PLCD1: variants seen among roughly 807,000 people sequenced by gnomAD.
PLCD1 encodes the protein phospholipase C delta 1.
A neutral mutation model predicts 87.4 loss-of-function variants in PLCD1; 71 were observed. That is an observed-to-expected ratio of 0.81 (90% CI 0.67 to 0.99). PLCD1 has a LOEUF of 0.99. PLCD1 is among the 50% of genes least tolerant of loss of function. The pLI, the probability that PLCD1 is intolerant of heterozygous loss-of-function variation, is 0.00. For synonymous variants in PLCD1, 348 were observed against 399.2 expected, an observed-to-expected ratio of 0.87 and a Z score of 1.53; for missense variants, 867 against 1,001.5, an observed-to-expected ratio of 0.87 and a Z score of 1.81.
rs1209703334 is a variant in PLCD1, at chr3:38,025,688, C to T, written c.34+3818G>A. 6.6e-6 allele frequency among the ~76,000 whole-genome samples: 1 copy of T among 152,212 alleles called. No homozygotes were observed. Among genetic ancestry groups the T allele is most frequent in the Non-Finnish European group, 1.5e-5 (1 of 68,040 alleles). ...ATACATGAGAACGACTGTAACTTTG[C>T]ACAAAACTTTGCTGCCAATATGCTC... On this transcript the variant is annotated intron_variant, in intron 1 of 14. Coordinates refer to ENST00000334661, the MANE Select transcript of PLCD1 (RefSeq NM_006225.4). This position sits in a 1 kb window ranked among gnomAD's most constrained non-coding sequence, Gnocchi z 4.0.
chr3:38,015,627 G>A (rs1221846940), intron 3 of PLCD1, among the ~76,000 whole-genome samples: 1 of 152,242 alleles, frequency 6.6e-6, no homozygotes, highest in Admixed American at 6.5e-5. Context: ...AAAAAATGGA[G>A]AGAGCTGGCT....
At chr3:38,019,822 C>G (rs1177315689) in intron 2 of PLCD1, among the ~76,000 whole-genome samples, 1 of 152,180 alleles carries the variant, frequency 6.6e-6, no homozygotes, top group East Asian at 1.9e-4. Flanking sequence ...CTGCCTGGAC[C>G]TTGGGCCACC....
chr3:38,009,867 C>T (rs890489042), intron 8 of PLCD1, 37 bp downstream of exon 8: 1 of 1,601,030 alleles, frequency 6.2e-7, no homozygotes, highest in Middle Eastern at 1.7e-4. Flanking sequence ...CTAGGCTCCC[C>T]ACCCTCCCCC....
At position 38,007,637 on chromosome 3, in the gene PLCD1, A is replaced by G. The variant is rs762549368; in HGVS notation, c.*136T>C. On this transcript the variant is annotated 3_prime_UTR_variant, in exon 15 of 15. Transcript: ENST00000334661. ...CTGGTCCCCAGGGAGGCAGCAGCAG[A>G]CACTATGTTAGGGCTGAAGGCAATT... 2 of 731,546 alleles carry G rather than the reference A, an allele frequency of 2.7e-6. No individual in the cohort carries two copies. Among genetic ancestry groups the G allele is most frequent in the African/African-American group, 3.5e-5 (2 of 57,622 alleles). The allele number at this position is 731,546 out of a possible 1,614,324, so 45.3% of individuals were successfully genotyped here. A position where few individuals can be genotyped will look rare whatever the true frequency, so the allele number is the denominator to read the frequency against.
intron 10 of PLCD1, 53 bp from the exon 11 acceptor site, chr3:38,009,211 G>A: frequency 6.2e-7 from 1 of 1,611,516 alleles, no homozygotes; most frequent in East Asian, 2.2e-5. Context: ...TGAGGCCCAA[G>A]CCCTGCCCTG....
rs1481841623 is a variant in PLCD1 at position 38,012,189 on chromosome 3, G to A, written c.429-516C>T. Among the ~76,000 whole-genome samples the A allele has an allele frequency of 1.7e-5, 2 of 118,092 alleles. 1 individual carries two copies. Among genetic ancestry groups the A allele is most frequent in the Non-Finnish European group, 3.6e-5 (2 of 55,838 alleles). The allele number at this position is 118,092 out of a possible 152,430, so 77.5% of individuals were successfully genotyped here. ...ACGCCTGGCTTTTTTTTTTTTTTTT[G>A]GGTAGAGACAGGGTCTCCCTATGTT... On this transcript the variant is annotated intron_variant, in intron 3 of 14. Coordinates refer to ENST00000334661, the MANE Select transcript of PLCD1 (RefSeq NM_006225.4).
intron 1 of PLCD1, among the ~76,000 whole-genome samples, chr3:38,027,140 C>T (rs1575359696): frequency 6.6e-6 from 1 of 152,128 alleles, no homozygotes; most frequent in African/African-American, 2.4e-5. Context: ...TGGATGCTGT[C>T]GCATCAGTCT....
At chr3:38,012,444 G>A (rs1700094293) in intron 3 of PLCD1, among the ~76,000 whole-genome samples, 1 of 151,236 alleles carries the variant, frequency 6.6e-6, no homozygotes, top group Non-Finnish European at 1.5e-5. Flanking sequence ...CTGGCTTTCT[G>A]TCATAATTAT....
At chr3:38,020,790 A>C (rs983077169) in intron 1 of PLCD1, among the ~76,000 whole-genome samples, 1 of 152,172 alleles carries the variant, frequency 6.6e-6, no homozygotes, top group Admixed American at 6.5e-5. Flanking sequence ...TGGGATCAAA[A>C]GGTTAGGCAA....
intron 3 of PLCD1, among the ~76,000 whole-genome samples, chr3:38,012,777 A>G (rs939343569): frequency 1.3e-5 from 2 of 152,166 alleles, no homozygotes; most frequent in Non-Finnish European, 1.5e-5. Context: ...TTGGCCTCCC[A>G]AAGTGCGGGG....
At chr3:38,026,130 C>T (rs1207268583) in intron 1 of PLCD1, among the ~76,000 whole-genome samples, 1 of 152,160 alleles carries the variant, frequency 6.6e-6, no homozygotes, top group African/African-American at 2.4e-5. Context: ...GGTTCTTAAC[C>T]AGACCAAAGA....
chr3:38,013,087 GC>G (rs1334298307), intron 3 of PLCD1, among the ~76,000 whole-genome samples: 1 of 151,080 alleles, frequency 6.6e-6, no homozygotes, highest in East Asian at 2.0e-4. Context: ...ATGGGGTTTT[GC>G]CACGTTGCCC....
At position 38,018,982 on chromosome 3, in the gene PLCD1, C is replaced by T. The variant is rs1700195819; in HGVS notation, c.199+1206G>A. ...TGTCCTGCCTTACCTTCAGCCCCTC[C>T]ACTGGCCACAGGTTGGCAGGCCATA... On this transcript the variant is annotated intron_variant, in intron 2 of 14. Coordinates refer to ENST00000334661, the MANE Select transcript of PLCD1 (RefSeq NM_006225.4). The surrounding 1 kb of genome is among the most constrained non-coding windows in gnomAD (Gnocchi z 5.7). The T allele has an allele frequency of 1.3e-5, 2 of 152,406 alleles. No individual in the cohort carries two copies. The allele number at this position is 152,406 out of a possible 1,614,324, so 9.4% of individuals were successfully genotyped here.
chr3:38,010,304 C>G, intron 6 of PLCD1, 29 bp from the exon 7 acceptor site: 1 of 1,614,134 alleles, frequency 6.2e-7, no homozygotes, highest in Non-Finnish European at 8.5e-7. Context: ...CTAGGACCCT[C>G]CAGGTCCTGT....
intron 2 of PLCD1, 57 bp from the exon 3 acceptor site, chr3:38,016,776 G>C (rs1700162926): frequency 7.8e-7 from 1 of 1,282,278 alleles, no homozygotes; most frequent in Non-Finnish European, 1.1e-6. Context: ...GTCAGTCCCT[G>C]ACCCTGACAT....
intron 1 of PLCD1, among the ~76,000 whole-genome samples, chr3:38,023,889 C>G (rs903735077): frequency 1.3e-5 from 2 of 149,664 alleles, no homozygotes; most frequent in Non-Finnish European, 3.0e-5. Flanking sequence ...CCACCACAGA[C>G]CCCAGGCATG....
chr3:38,019,914 C>T (rs1364321699), intron 2 of PLCD1, among the ~76,000 whole-genome samples: 1 of 152,186 alleles, frequency 6.6e-6, no homozygotes, highest in African/African-American at 2.4e-5. Flanking sequence ...AAAAGCTTTG[C>T]CATCTCCATC....
At chr3:38,009,541 C>T (rs994856294) in intron 9 of PLCD1, 110 bp from the exon 10 acceptor site, 19 of 1,549,212 alleles carry the variant, frequency 1.2e-5, no homozygotes, top group African/African-American at 2.7e-5. Context: ...ACAGAGAGAG[C>T]GGGGCAGAGG....
In PLCD1 at chr3:38,011,401, A is replaced by C; in HGVS notation, c.603T>G (p.Ile201Met). 6.2e-7 allele frequency: 1 copy of C among 1,613,912 alleles called. No homozygotes were observed. The highest frequency in any genetic ancestry group is 1.1e-5 in the South Asian group (1 of 91,068). The change falls in exon 5 of 15, where the codon ATT becomes ATG. Residue 201 changes from isoleucine (I) to methionine (M), a missense_variant. Physicochemically the swap from Ile to Met is conservative, Grantham distance 10. Coordinates refer to ENST00000334661, the MANE Select transcript of PLCD1 (RefSeq NM_006225.4). ...GGGTCAGCATCTTGTAGAAGGCCTC[A>C]ATCTCCTCGTCCTCCAGGGAGTCTG... Reference protein sequence around the residue: ...SQTDSLEDEEIEAFYKMLTQR... With the variant: ...SQTDSLEDEEMEAFYKMLTQR...
Sources: gnomAD v4.1 joint callset for allele counts (sites outside exome capture counted in the v4.1 genomes callset) on GRCh38, gnomAD v4.1.1 for gene constraint, Gnocchi (gnomAD v3.1) non-coding constraint, MANE v1.5 for transcripts, NCBI Gene and HGNC (gene_info 2026-07-23, HGNC 2026-07-21) for gene names.